The following TBC1D1 variants were observed in gnomAD, a reference collection of about 807,000 sequenced individuals.
TBC1D1 encodes TBC1 (tre-2/USP6, BUB2, cdc16) domain family, member 1.
TBC1D1 carries 89 observed loss-of-function variants against 125.6 expected under a neutral mutation model. The observed-to-expected ratio is 0.71, with a 90% CI of 0.60 to 0.85. The LOEUF is 0.85. Among genes scored for constraint, TBC1D1 ranks in the 40% least tolerant of loss-of-function variants. The pLI is 0.00. For missense variants in TBC1D1, 1,377 were observed against 1,469.2 expected (o/e 0.94, Z 1.03); for synonymous variants, 565 against 564.1 (o/e 1.00, Z -0.02).
rs989864054 is a variant in TBC1D1 at position 37,908,092 on chromosome 4, G to T, written c.417+5580G>T. On this transcript the variant is annotated intron_variant, in intron 2 of 19. Transcript: ENST00000261439. ...GAGGGGATTTTGAGTGGGAAATGGC[G>T]GGGGTTCTTGAGATGGTAATAGGTG... Among the ~76,000 whole-genome samples, 5 of 152,072 alleles carry T rather than the reference G, an allele frequency of 3.3e-5. No individual in the cohort carries two copies. The East Asian group carries it at 7.7e-4, about 24-fold the overall frequency.
chr4:38,057,865 T>C (rs907023327), intron 12 of TBC1D1, among the ~76,000 whole-genome samples: 7 of 152,244 alleles, frequency 4.6e-5, no homozygotes, highest in Admixed American at 4.6e-4. Flanking sequence ...AGCTCGCGGG[T>C]CTGAGCTCCA....
intron 2 of TBC1D1, among the ~76,000 whole-genome samples, chr4:37,911,482 A>C (rs1718627521): frequency 6.6e-6 from 1 of 152,068 alleles, no homozygotes; most frequent in African/African-American, 2.4e-5. Flanking sequence ...CTGATGCAGG[A>C]TTTTAGGGAA....
Position 38,054,238 on chromosome 4 carries a change from T to C in TBC1D1, c.1950T>C (p.Gly650=), listed in dbSNP as rs767897449. The C allele has an allele frequency of 7.4e-6, 12 of 1,614,082 alleles. No homozygotes were observed. Among genetic ancestry groups the C allele is most frequent in the Middle Eastern group, 1.6e-4 (1 of 6,084 alleles). ...AAGCAAACCATCTTGGTGATTCTGG[T>C]GGGACTCCTGTGAAGACCCGGAGGC... The change falls in exon 12 of 20, where the codon GGT becomes GGC. Residue 650 remains glycine, a synonymous_variant. Coordinates refer to ENST00000261439, the MANE Select transcript of TBC1D1 (RefSeq NM_015173.4).
At chr4:38,046,014 T>C in intron 10 of TBC1D1, 111 bp downstream of exon 10, 1 of 915,780 alleles carries the variant, frequency 1.1e-6, no homozygotes, top group East Asian at 2.4e-5. Context: ...GCAAATTTCT[T>C]GGCACAGGTG....
Position 37,901,994 on chromosome 4 carries a change from C to T in TBC1D1, c.-93-9C>T, listed in dbSNP as rs1716130495. 2 of 1,195,992 alleles carry T rather than the reference C, an allele frequency of 1.7e-6. No individual in the cohort carries two copies. Among genetic ancestry groups the T allele is most frequent in the Non-Finnish European group, 2.3e-6 (2 of 858,906 alleles). The allele number at this position is 1,195,992 out of a possible 1,614,324, so 74.1% of individuals were successfully genotyped here. On this transcript the variant is annotated splice_polypyrimidine_tract_variant and intron_variant, in intron 1 of 19. Transcript: ENST00000261439. The stretch of plus-strand genomic sequence containing the variant: ...ATTAAATTCTAATGCCTCTGGTTTT[C>T]TCCCCCAGGTTTCTGCATATGAAGT...
chr4:37,897,066 T>G (rs1005742714), intron 1 of TBC1D1, among the ~76,000 whole-genome samples: 11 of 152,156 alleles, frequency 7.2e-5, no homozygotes, highest in African/African-American at 2.4e-4. Context: ...TCACAGTATT[T>G]CTTGCTGAGG....
In TBC1D1 at chr4:38,137,309, A is replaced by C. The variant is rs1361151463; in HGVS notation, c.3481A>C (p.Thr1161Pro). Residue 1161 changes from threonine to proline, a missense_variant, in exon 20 of 20, where the codon ACG becomes CCG. Physicochemically the swap from Thr to Pro is conservative, Grantham distance 38. Around this residue, in one of 3 missense-constraint regions of TBC1D1, gnomAD observed 543 missense variants for 613.5 expected, o/e 0.89. Transcript: ENST00000261439. The stretch of plus-strand genomic sequence containing the variant: ...GCCCAGCGACCGGGAGCCTGAGTGC[A>C]CGCAGCCCGAGCCCACGGGCGACTG... 1.9e-6 allele frequency: 3 copies of C among 1,611,130 alleles called. No homozygotes were observed. Among genetic ancestry groups the C allele is most frequent in the South Asian group, 2.2e-5 (2 of 90,910 alleles).
chr4:38,115,693 AT>A lies in TBC1D1; in HGVS notation c.2558-16del. 6.2e-7 allele frequency: 1 copy of A among 1,605,916 alleles called. No homozygotes were observed. The highest frequency in any genetic ancestry group is 8.5e-7 in the Non-Finnish European group (1 of 1,175,934). ...TTTTGTTTTTATTATTACAACTAAT[AT>A]GTATTCTTTTCACAGGGCGAACCTT... On this transcript the variant is annotated splice_polypyrimidine_tract_variant and intron_variant, in intron 15 of 19. Coordinates refer to ENST00000261439, the MANE Select transcript of TBC1D1 (RefSeq NM_015173.4).
rs1424240028 is a variant in TBC1D1 at position 37,919,102 on chromosome 4, C to A, written c.417+16590C>A. ...CCCCATCTTTAAAAAAAAAAAAAAACTGGAAATGTACAGTTTGAAAATGAA... is the reference window on the plus strand; with the variant it reads ...CCCCATCTTTAAAAAAAAAAAAAAAATGGAAATGTACAGTTTGAAAATGAA... On this transcript the variant is annotated intron_variant, in intron 2 of 19. Transcript: ENST00000261439. Among the ~76,000 whole-genome samples the A allele has an allele frequency of 3.9e-5, 5 of 128,454 alleles. No homozygotes were observed. The Admixed American group carries it at 3.9e-4, about 10-fold the overall frequency. 84.3% of individuals were successfully genotyped at this position (128,454 alleles called of 152,430 possible). A position where few individuals can be genotyped will look rare whatever the true frequency, so the allele number is the denominator to read the frequency against.
intron 9 of TBC1D1, 68 bp from the exon 10 acceptor site, chr4:38,045,749 T>G (rs1007091201): frequency 8.6e-7 from 1 of 1,161,036 alleles, no homozygotes; most frequent in Non-Finnish European, 1.3e-6. Context: ...AATGGACCAA[T>G]CTGCTTCTAG....
At position 37,902,237 on chromosome 4, in the gene TBC1D1, C is replaced by G; in HGVS notation, c.142C>G (p.Arg48Gly). 6.2e-7 allele frequency: 1 copy of G among 1,613,944 alleles called. No homozygotes were observed. The highest frequency in any genetic ancestry group is 8.5e-7 in the Non-Finnish European group (1 of 1,180,002). Residue 48 changes from arginine to glycine, a missense_variant, in exon 2 of 20, where the codon CGA becomes GGA. By Grantham distance (125) the Arg-to-Gly change is moderately radical. This residue lies in a region of TBC1D1 where 822 missense variants were observed against 824.6 expected (regional missense o/e 1.00). Coordinates refer to ENST00000261439, the MANE Select transcript of TBC1D1 (RefSeq NM_015173.4). ...GCTGCCCTGGGTTGTGGCTGAGGTGCGAAGACTCAGCAGGCAGTCCACCAG... is the reference window on the plus strand; with the variant it reads ...GCTGCCCTGGGTTGTGGCTGAGGTGGGAAGACTCAGCAGGCAGTCCACCAG...
intron 2 of TBC1D1, among the ~76,000 whole-genome samples, chr4:37,927,800 C>A (rs918939536): frequency 2.6e-5 from 4 of 152,108 alleles, no homozygotes; most frequent in African/African-American, 9.7e-5. Flanking sequence ...AGGAGGCTGA[C>A]GCGGGAGGAT....
chr4:38,031,393 T>C (rs547874248), intron 7 of TBC1D1, among the ~76,000 whole-genome samples: 1 of 152,350 alleles, frequency 6.6e-6, no homozygotes, highest in Admixed American at 6.5e-5. Flanking sequence ...ATCAGCTTAG[T>C]TGGATTTTGC....
chr4:38,126,608 C>A (rs1167129317), intron 18 of TBC1D1, among the ~76,000 whole-genome samples: 1 of 152,242 alleles, frequency 6.6e-6, no homozygotes, highest in African/African-American at 2.4e-5. Context: ...CTGCACTCAT[C>A]TTTAATTGAG....
intron 2 of TBC1D1, among the ~76,000 whole-genome samples, chr4:37,921,336 GA>G (rs140121174): frequency 6.9e-5 from 10 of 144,364 alleles, no homozygotes; most frequent in Non-Finnish European, 1.4e-4. Flanking sequence ...TCCAACCCAG[GA>G]AAAAAAAACA....
chr4:38,089,879 T>C (rs1758135788), intron 12 of TBC1D1, 53 bp from the exon 15 acceptor site: 1 of 1,502,476 alleles, frequency 6.7e-7, no homozygotes, highest in Non-Finnish European at 8.9e-7. Flanking sequence ...TGTGTTTGAA[T>C]GTGCATTTTT....
chr4:37,993,926 C>T (rs1412644742), intron 2 of TBC1D1, among the ~76,000 whole-genome samples: 2 of 152,234 alleles, frequency 1.3e-5, no homozygotes, highest in Non-Finnish European at 2.9e-5. Flanking sequence ...TCTTGGCTGG[C>T]GAAGCCAGTC....
chr4:38,056,456 A>G (rs1186626474), intron 12 of TBC1D1, among the ~76,000 whole-genome samples: 1 of 152,216 alleles, frequency 6.6e-6, no homozygotes, highest in Non-Finnish European at 1.5e-5. Flanking sequence ...GATTAACTCA[A>G]ACATTCTTGG....
At chr4:37,941,522 C>T (rs903623884) in intron 2 of TBC1D1, among the ~76,000 whole-genome samples, 1 of 152,056 alleles carries the variant, frequency 6.6e-6, no homozygotes, top group Non-Finnish European at 1.5e-5. Flanking sequence ...TCTCTGTCTC[C>T]CTCAGTTCTG....
Sources: gnomAD v4.1 joint callset for allele counts (sites outside exome capture counted in the v4.1 genomes callset) on GRCh38, gnomAD v4.1.1 for gene constraint, gnomAD v4.1.1 regional missense constraint, MANE v1.5 for transcripts, NCBI Gene and HGNC (gene_info 2026-07-23, HGNC 2026-07-21) for gene names.